RPH3A: variants seen among roughly 807,000 people sequenced by gnomAD.
RPH3A encodes the protein rabphilin-3A.
In RPH3A, 48 loss-of-function variants were observed where a neutral mutation model predicts 102.2. The ratio of observed to expected loss-of-function variants is 0.47; its 90% CI spans 0.37 to 0.60. The LOEUF is 0.60. Ranked by LOEUF, RPH3A falls within the 20% of genes least tolerant of loss-of-function variation. RPH3A has a pLI of 0.00. For missense variants in RPH3A, 781 were observed against 910.1 expected, an observed-to-expected ratio of 0.86 and a Z score of 1.83; for synonymous variants, 310 against 324.3, an observed-to-expected ratio of 0.96 and a Z score of 0.47.
At chr12:112,861,873 C>T (rs1241577595) in intron 5 of RPH3A, among the ~76,000 whole-genome samples, 10 of 151,940 alleles carry the variant, frequency 6.6e-5, no homozygotes, top group South Asian at 2.1e-4. Context: ...ATTAGCCAGG[C>T]GCGATGGTGG....
At chr12:112,586,388 A>C (rs1401208339) in intron 1 of RPH3A, among the ~76,000 whole-genome samples, 1 of 152,098 alleles carries the variant, frequency 6.6e-6, no homozygotes, top group African/African-American at 2.4e-5. Context: ...AGGGGACAGA[A>C]ATACTGGAAG....
chr12:112,641,373 C>T (rs1158108113), intron 1 of RPH3A, among the ~76,000 whole-genome samples: 1 of 152,154 alleles, frequency 6.6e-6, no homozygotes, highest in Non-Finnish European at 1.5e-5. Flanking sequence ...AGATTGGAAT[C>T]TTTCTAAAAT....
intron 21 of RPH3A, 80 bp from the exon 22 acceptor site, chr12:112,896,570 T>G (rs2043182396): frequency 6.4e-7 from 1 of 1,561,928 alleles, no homozygotes. Flanking sequence ...CTTGGTGCAG[T>G]TTTTTCCCCA....
intron 10 of RPH3A, among the ~76,000 whole-genome samples, chr12:112,873,549 C>T (rs1415197469): frequency 1.3e-5 from 2 of 152,244 alleles, no homozygotes; most frequent in South Asian, 4.1e-4. Flanking sequence ...CCCACATACT[C>T]TCTGTCTCCC....
chr12:112,671,026 T>TA (rs79254861), intron 1 of RPH3A, among the ~76,000 whole-genome samples: 6 of 148,648 alleles, frequency 4.0e-5, no homozygotes, highest in South Asian at 2.1e-4. Context: ...GTTTAGTTGT[T>TA]AAAAAAAAAA....
intron 7 of RPH3A, chr12:112,868,174 G>GATTTTGGATATTCCCCTTTCTCCATCCA: frequency 2.3e-6 from 1 of 442,606 alleles, no homozygotes; most frequent in Non-Finnish European, 4.0e-6. Context: ...CAGTCCTTAA[G>GATTTTGGATATTCCCCTTTCTCCATCCA]ATTTTGGATA....
At chr12:112,617,144 C>G (rs866341432) in intron 1 of RPH3A, among the ~76,000 whole-genome samples, 7 of 152,164 alleles carry the variant, frequency 4.6e-5, no homozygotes. Flanking sequence ...TCTCTGCTCC[C>G]GGTTTGTCCC....
intron 1 of RPH3A, among the ~76,000 whole-genome samples, chr12:112,657,400 T>C (rs1473014520): frequency 6.6e-6 from 1 of 152,176 alleles, no homozygotes; most frequent in Non-Finnish European, 1.5e-5. Context: ...AAAATAATGA[T>C]AAAGCATAGT....
chr12:112,806,642 A>G, intron 2 of RPH3A, among the ~76,000 whole-genome samples: 1 of 152,178 alleles, frequency 6.6e-6, no homozygotes, highest in Admixed American at 6.5e-5. Context: ...AATTAAAAAA[A>G]AAACAAAAAA....
chr12:112,816,440 G>A (rs1213303316), intron 2 of RPH3A, among the ~76,000 whole-genome samples: 1 of 152,194 alleles, frequency 6.6e-6, no homozygotes, highest in African/African-American at 2.4e-5. Context: ...GATAACAGGG[G>A]ATGTCTTCAG....
In RPH3A at chr12:112,687,882, C is replaced by T. The variant is rs190523168; in HGVS notation, c.-139-104261C>T. ...AGGCCCACCCCATTTCTTTGCTCAT[C>T]CAAAACTTTTTTAGGATAATTCAGA... On this transcript the variant is annotated intron_variant, in intron 1 of 21. Transcript: ENST00000543106. Among the ~76,000 whole-genome samples the T allele has an allele frequency of 6.7e-4, 102 of 152,280 alleles. 1 individual carries two copies. Among genetic ancestry groups the T allele is most frequent in the African/African-American group, 2.4e-3 (99 of 41,552 alleles).
chr12:112,820,858 T>G (rs972222379), intron 2 of RPH3A, among the ~76,000 whole-genome samples: 10 of 152,126 alleles, frequency 6.6e-5, no homozygotes, highest in Non-Finnish European at 7.4e-5. Flanking sequence ...GAGAACCATA[T>G]GGAGGGGACA....
At chr12:112,714,500 G>A (rs1464695113) in intron 1 of RPH3A, among the ~76,000 whole-genome samples, 2 of 152,132 alleles carry the variant, frequency 1.3e-5, no homozygotes, top group Non-Finnish European at 2.9e-5. Flanking sequence ...TTGGGTCTAC[G>A]TCTCTGGGTT....
intron 1 of RPH3A, among the ~76,000 whole-genome samples, chr12:112,580,951 C>T (rs1328504582): frequency 6.6e-6 from 1 of 152,138 alleles, no homozygotes; most frequent in Non-Finnish European, 1.5e-5. Flanking sequence ...GATACCGAGT[C>T]CACTGCATTC....
intron 1 of RPH3A, among the ~76,000 whole-genome samples, chr12:112,767,312 C>T (rs1262109785): frequency 1.3e-5 from 2 of 152,164 alleles, no homozygotes; most frequent in African/African-American, 4.8e-5. Context: ...GGCATCCTCT[C>T]CTACCCCTTA....
At chr12:112,832,935 C>G (rs1053643894) in intron 3 of RPH3A, among the ~76,000 whole-genome samples, 1 of 108,806 alleles carries the variant, frequency 9.2e-6, no homozygotes, top group Admixed American at 1.2e-4. Context: ...AATTATTTCA[C>G]TCTTTTTTTT....
chr12:112,880,087 A>G (rs924841594), intron 14 of RPH3A, among the ~76,000 whole-genome samples: 2 of 152,224 alleles, frequency 1.3e-5, no homozygotes, highest in Admixed American at 6.5e-5. Flanking sequence ...TGAATGATAA[A>G]TGAGGTATGA....
At chr12:112,776,566 A>G (rs140466795) in intron 1 of RPH3A, among the ~76,000 whole-genome samples, 62 of 152,192 alleles carry the variant, frequency 4.1e-4, no homozygotes, top group African/African-American at 1.4e-3. Flanking sequence ...AGAGAGAGAA[A>G]GAGAAAGAAA....
At chr12:112,650,921 G>A (rs1267520646) in intron 1 of RPH3A, 1 of 151,814 alleles carries the variant, frequency 6.6e-6, no homozygotes, top group Non-Finnish European at 1.5e-5. Context: ...GTAGAGACAG[G>A]GGTCTCACTG....
Sources: gnomAD v4.1 joint callset for allele counts (sites outside exome capture counted in the v4.1 genomes callset) on GRCh38, gnomAD v4.1.1 for gene constraint, MANE v1.5 for transcripts, NCBI Gene and HGNC (gene_info 2026-07-23, HGNC 2026-07-21) for gene names.